Variants in ADK observed in about 807,000 individuals in gnomAD.
ADK encodes N6,N6-dimethyladenosine kinase.
ADK carries 24 observed loss-of-function variants against 44.7 expected under a neutral mutation model. That is an observed-to-expected ratio of 0.54 (90% CI 0.39 to 0.76). The LOEUF (loss-of-function observed/expected upper bound fraction) is 0.76. Among genes scored for constraint, ADK ranks in the 30% least tolerant of loss-of-function variants. The pLI is 0.00. For missense variants in ADK, 321 were observed against 425.1 expected (o/e 0.76, Z 2.15); for synonymous variants, 128 against 142.6 (o/e 0.90, Z 0.73).
At chr10:74,399,285 G>A (rs1592152877) in intron 6 of ADK, among the ~76,000 whole-genome samples, 2 of 146,346 alleles carry the variant, frequency 1.4e-5, no homozygotes, top group Admixed American at 1.4e-4. Context: ...TGTAATATAT[G>A]GTTTTGGTAT....
chr10:74,384,883 A>G (rs1843091205), intron 4 of ADK, among the ~76,000 whole-genome samples: 1 of 152,172 alleles, frequency 6.6e-6, no homozygotes. Context: ...AAAGTTGTTT[A>G]TGTTGAACTT....
chr10:74,290,689 G>A (rs1019267482), intron 3 of ADK, among the ~76,000 whole-genome samples: 1 of 151,736 alleles, frequency 6.6e-6, no homozygotes, highest in African/African-American at 2.4e-5. Flanking sequence ...GTTGTTTTAG[G>A]TTTTTCTTCT....
chr10:74,657,908 G>A (rs1854549480), intron 9 of ADK, among the ~76,000 whole-genome samples: 1 of 152,186 alleles, frequency 6.6e-6, no homozygotes, highest in Admixed American at 6.5e-5. Flanking sequence ...AAGGACTATA[G>A]CCAAGAAGAC....
chr10:74,366,164 A>G (rs912565885), intron 4 of ADK, among the ~76,000 whole-genome samples: 6 of 152,176 alleles, frequency 3.9e-5, no homozygotes, highest in Non-Finnish European at 8.8e-5. Context: ...TTTTGATGTT[A>G]TCTATTATTA....
chr10:74,458,291 C>T (rs1464834863), intron 6 of ADK, among the ~76,000 whole-genome samples: 1 of 142,238 alleles, frequency 7.0e-6, no homozygotes, highest in East Asian at 2.0e-4. Flanking sequence ...CCACCACTCC[C>T]AGGTTTTGTT....
At chr10:74,363,503 T>C (rs1009193052) in intron 4 of ADK, among the ~76,000 whole-genome samples, 6 of 152,162 alleles carry the variant, frequency 3.9e-5, no homozygotes, top group Non-Finnish European at 7.3e-5. Context: ...GGTCTCTGCA[T>C]AGACAGGAGG....
At chr10:74,290,051 G>C (rs995653448) in intron 3 of ADK, among the ~76,000 whole-genome samples, 1 of 149,252 alleles carries the variant, frequency 6.7e-6, no homozygotes, top group African/African-American at 2.5e-5. Flanking sequence ...AGGAATTTAG[G>C]GACTCAAGTC....
intron 9 of ADK, among the ~76,000 whole-genome samples, chr10:74,652,266 A>G (rs1854302837): frequency 6.7e-6 from 1 of 149,884 alleles, no homozygotes; most frequent in Non-Finnish European, 1.5e-5. Context: ...CTGGTCTCGA[A>G]CTCTTGACCT....
intron 6 of ADK, among the ~76,000 whole-genome samples, chr10:74,406,069 T>C (rs558217427): frequency 1.3e-5 from 2 of 152,336 alleles, no homozygotes; most frequent in South Asian, 2.1e-4. Context: ...CCTTATACCA[T>C]ATTCTGGAAA....
intron 6 of ADK, among the ~76,000 whole-genome samples, chr10:74,474,988 G>C (rs1339067436): frequency 6.6e-6 from 1 of 152,076 alleles, no homozygotes; most frequent in Non-Finnish European, 1.5e-5. Context: ...AACTGGGCGT[G>C]GTGGCACGCA....
intron 4 of ADK, among the ~76,000 whole-genome samples, chr10:74,357,424 A>G (rs1288102348): frequency 6.7e-6 from 1 of 149,882 alleles, no homozygotes; most frequent in Non-Finnish European, 1.5e-5. Context: ...TGACCCTCCC[A>G]GCTGGTACTG....
chr10:74,226,736 T>G (rs1844558847), intron 3 of ADK, among the ~76,000 whole-genome samples: 1 of 152,160 alleles, frequency 6.6e-6, no homozygotes, highest in African/African-American at 2.4e-5. Flanking sequence ...ACTCCCTGTG[T>G]TTTTGAAATT....
chr10:74,455,161 T>A (rs565023234), intron 6 of ADK, among the ~76,000 whole-genome samples: 5 of 152,234 alleles, frequency 3.3e-5, no homozygotes, highest in Admixed American at 1.3e-4. Flanking sequence ...GTATAAATTG[T>A]ATGGAACAGT....
chr10:74,575,097 A>G (rs1222507561), intron 7 of ADK, among the ~76,000 whole-genome samples: 1 of 152,218 alleles, frequency 6.6e-6, no homozygotes, highest in African/African-American at 2.4e-5. Flanking sequence ...AGTATGAACC[A>G]CAAAAAAATC....
At chr10:74,467,167 T>G (rs749371297) in intron 6 of ADK, among the ~76,000 whole-genome samples, 6 of 152,162 alleles carry the variant, frequency 3.9e-5, no homozygotes, top group Non-Finnish European at 8.8e-5. Context: ...ACAATGAAGA[T>G]AAATGACCTC....
chr10:74,628,707 A>G (rs1304769133), intron 9 of ADK, among the ~76,000 whole-genome samples: 1 of 152,072 alleles, frequency 6.6e-6, no homozygotes, highest in Admixed American at 6.5e-5. Flanking sequence ...GAAAACTGGA[A>G]AAAGCTCTCT....
At chr10:74,246,746 G>A (rs768237111) in intron 3 of ADK, among the ~76,000 whole-genome samples, 5 of 152,078 alleles carry the variant, frequency 3.3e-5, no homozygotes, top group Non-Finnish European at 5.9e-5. Context: ...TTGATTTTTA[G>A]TCTGGTCTTC....
chr10:74,497,224 G>T (rs1030586885), intron 6 of ADK, among the ~76,000 whole-genome samples: 6 of 152,248 alleles, frequency 3.9e-5, no homozygotes, highest in Non-Finnish European at 8.8e-5. Flanking sequence ...GAGTAAGGGT[G>T]ATGCTTGAGT....
chr10:74,399,458 G>C (rs1468283224), intron 6 of ADK, among the ~76,000 whole-genome samples: 1 of 151,150 alleles, frequency 6.6e-6, no homozygotes, highest in African/African-American at 2.4e-5. Flanking sequence ...ACTGTTCTAG[G>C]CTTTACAACA....
Sources: allele counts gnomAD v4.1 joint callset (sites outside exome capture counted in the v4.1 genomes callset), GRCh38; gene constraint gnomAD v4.1.1; transcripts MANE v1.5; gene names NCBI Gene and HGNC (gene_info 2026-07-23, HGNC 2026-07-21).